Variants in TPRN observed in about 807,000 individuals in gnomAD.
TPRN encodes chromosome 9 open reading frame 75.
In TPRN, 32 loss-of-function variants were observed where a neutral mutation model predicts 42.6. That is an observed-to-expected ratio of 0.75 (90% confidence interval 0.57 to 1.01). TPRN has a LOEUF of 1.01. TPRN is among the 50% of genes least tolerant of loss of function. The pLI is 0.00. For missense variants in TPRN, 1,095 were observed against 957.5 expected (o/e 1.14, Z -1.90); for synonymous variants, 541 against 445.6 (o/e 1.21, Z -2.70).
chr9:137,192,204 A>G (rs1834630043), intron 3 of TPRN, 30 bp from the exon 4 acceptor site: 5 of 1,613,222 alleles, frequency 3.1e-6, no homozygotes, highest in East Asian at 2.2e-5. Flanking sequence ...ATGTGGACAC[A>G]TGGGCTCGCC....
chr9:137,199,493 C>A lies in TPRN; in HGVS notation c.1219G>T (p.Ala407Ser). Reference sequence around the variant, plus strand: ...CTCTGCCACCTAATAGCCCGGTCAGCGAGGGCGGTGGCTGTCCTGGGACAG... The same window carrying A: ...CTCTGCCACCTAATAGCCCGGTCAGAGAGGGCGGTGGCTGTCCTGGGACAG... ...GACPRTATAL[A>S]DRAIRWQRPS... Residue 407 changes from alanine (A) to serine (S), a missense_variant, in exon 1 of 4, where the codon GCT (alanine) becomes TCT (serine). By Grantham distance (99) the Ala-to-Ser change is moderately conservative. Coordinates refer to ENST00000409012, the MANE Select transcript of TPRN (RefSeq NM_001128228.3). The A allele has an allele frequency of 1.3e-6, 2 of 1,586,394 alleles. No individual in the cohort carries two copies. Among genetic ancestry groups the A allele is most frequent in the Non-Finnish European group, 8.6e-7 (1 of 1,167,166 alleles).
intron 1 of TPRN, among the ~76,000 whole-genome samples, chr9:137,195,925 G>A (rs925540572): frequency 6.6e-6 from 1 of 152,154 alleles, no homozygotes; most frequent in Non-Finnish European, 1.5e-5. Flanking sequence ...CCTGCAAGAC[G>A]GGGCACCTGC....
chr9:137,200,509 C>A lies in TPRN; in HGVS notation c.203G>T (p.Arg68Leu). ...ENPFMLLEAE[R>L]RRGGGAAGAR... is the part of the protein sequence containing the mutation. The stretch of plus-strand genomic sequence containing the variant: ...CCCCGCCGCGCCCCCGCCGCGCCGC[C>A]GCTCGGCCTCCAGCAGCATGAACGG... The change falls in exon 1 of 4, where the codon CGG becomes CTG. Residue 68 changes from arginine to leucine, a missense_variant. By Grantham distance (102) the Arg-to-Leu change is moderately radical. Transcript: ENST00000409012. The surrounding 1 kb of genome is among the most constrained non-coding windows in gnomAD (Gnocchi z 4.3). 8.6e-7 allele frequency: 1 copy of A among 1,159,472 alleles called. No homozygotes were observed. The highest frequency in any genetic ancestry group is 1.1e-6 in the Non-Finnish European group (1 of 938,598). 71.8% of individuals were successfully genotyped at this position (1,159,472 alleles called of 1,614,324 possible).
chr9:137,195,654 G>A (rs1011534158), intron 1 of TPRN, among the ~76,000 whole-genome samples: 2 of 152,208 alleles, frequency 1.3e-5, no homozygotes, highest in Non-Finnish European at 2.9e-5. Context: ...ACGGCCCTGG[G>A]TGTCCAGGAC....
At position 137,200,382 on chromosome 9, in the gene TPRN, C is replaced by A. The variant is rs1160871361; in HGVS notation, c.330G>T (p.Pro110=). The A allele has an allele frequency of 9.2e-7, 1 of 1,081,628 alleles. No individual in the cohort carries two copies. The highest frequency in any genetic ancestry group is 3.1e-5 in the South Asian group (1 of 32,086). 67.0% of individuals were successfully genotyped at this position (1,081,628 alleles called of 1,614,324 possible). A position where few individuals can be genotyped will look rare whatever the true frequency, so the allele number is the denominator to read the frequency against. ...IETVPGFPPA[P]PAPGAAQIRA... is the part of the protein sequence containing the mutation. ...GGATCTGCGCGGCCCCCGGGGCGGG[C>A]GGCGCGGGCGGGAAGCCGGGCACCG... Residue 110 remains proline, a synonymous_variant, in exon 1 of 4, where the codon CCG becomes CCT. Coordinates refer to ENST00000409012, the MANE Select transcript of TPRN (RefSeq NM_001128228.3). This position sits in a 1 kb window ranked among gnomAD's most constrained non-coding sequence, Gnocchi z 4.3.
Position 137,192,676 on chromosome 9 carries a change from T to C in TPRN, c.1741A>G (p.Asn581Asp), listed in dbSNP as rs1039740596. The C allele has an allele frequency of 1.9e-6, 3 of 1,613,820 alleles. No individual in the cohort carries two copies. Among genetic ancestry groups the C allele is most frequent in the Non-Finnish European group, 2.5e-6 (3 of 1,179,972 alleles). The change falls in exon 2 of 4, where the codon AAC (asparagine) becomes GAC (aspartate). Residue 581 changes from asparagine (N) to aspartate (D), a missense_variant. Physicochemically the swap from Asn to Asp is conservative, Grantham distance 23. Transcript: ENST00000409012. ...AATGTGGTCTGCAGGCTTTTGTCGT[T>C]GAAGGAGATCTTCATCTGGGAGTGA... ...SSRKKMKISFNDKSLQTTFEY... is the reference protein window; with the variant it reads ...SSRKKMKISFDDKSLQTTFEY...
intron 1 of TPRN, among the ~76,000 whole-genome samples, chr9:137,196,734 C>T (rs1268765631): frequency 1.3e-5 from 2 of 152,228 alleles, no homozygotes; most frequent in Admixed American, 1.3e-4. Context: ...CACAGCCCAC[C>T]GTGCCGAGGC....
In TPRN at chr9:137,200,119, TG is replaced by T; in HGVS notation, c.592del (p.Gln198ArgfsTer252). 8.0e-7 allele frequency: 1 copy of T among 1,246,370 alleles called. No individual in the cohort carries two copies. The highest frequency in any genetic ancestry group is 3.4e-5 in the South Asian group (1 of 29,760). 77.2% of individuals were successfully genotyped at this position (1,246,370 alleles called of 1,614,324 possible). ...SPGARRSDFLQKTGSNSFTVH... is the reference protein window; with the variant it reads ...SPGARRSDFLXKTGSNSFTVH... ...GGTGAAGGAGTTGCTGCCGGTCTTC[TG>T]GAGGAAGTCGCTGCGCCGGGCCCCG... On this transcript the variant is annotated frameshift_variant, in exon 1 of 4. Coordinates refer to ENST00000409012, the MANE Select transcript of TPRN (RefSeq NM_001128228.3). LOFTEE classifies it high-confidence loss of function. The surrounding 1 kb of genome is among the most constrained non-coding windows in gnomAD (Gnocchi z 4.3).
In TPRN at chr9:137,200,532, C is replaced by T. The variant is rs1311647257; in HGVS notation, c.180G>A (p.Pro60=). The part of the protein sequence containing the change: ...AESLGPLREN[P]FMLLEAERRR... ...GCCGCTCGGCCTCCAGCAGCATGAA[C>T]GGGTTCTCGCGCAGCGGGCCCAGGC... is the stretch of plus-strand genomic sequence containing the variant. Residue 60 remains proline (P), a synonymous_variant, in exon 1 of 4, where the codon CCG becomes CCA. Coordinates refer to ENST00000409012, the MANE Select transcript of TPRN (RefSeq NM_001128228.3). This position sits in a 1 kb window ranked among gnomAD's most constrained non-coding sequence, Gnocchi z 4.3. The T allele has an allele frequency of 1.7e-6, 2 of 1,166,466 alleles. No homozygotes were observed. Among genetic ancestry groups the T allele is most frequent in the Non-Finnish European group, 2.1e-6 (2 of 945,822 alleles). 72.3% of individuals were successfully genotyped at this position (1,166,466 alleles called of 1,614,324 possible).
Position 137,192,308 on chromosome 9 carries a change from G to T in TPRN, c.2024C>A (p.Ala675Glu). The change falls in exon 3 of 4, where the codon GCG becomes GAG. Residue 675 changes from alanine (A) to glutamate (E), a missense_variant. Transcript: ENST00000409012. ...TGCCTCCCTCGGGGCCTGCTCCAGC[G>T]CCTGCTCCTGCCACTTGCTGAAGGC... ...SVAFSKWQEQ[A>E]LEQAPREAEP... 1.2e-6 allele frequency: 2 copies of T among 1,612,946 alleles called. No individual in the cohort carries two copies. Among genetic ancestry groups the T allele is most frequent in the South Asian group, 1.1e-5 (1 of 91,080 alleles).
intron 1 of TPRN, among the ~76,000 whole-genome samples, chr9:137,196,631 A>G (rs1180921636): frequency 6.6e-6 from 1 of 152,170 alleles, no homozygotes; most frequent in Non-Finnish European, 1.5e-5. Flanking sequence ...TGGTCAGACA[A>G]GGCCAGGCAC....
chr9:137,198,362 C>T (rs766352887), intron 1 of TPRN, among the ~76,000 whole-genome samples: 10 of 152,214 alleles, frequency 6.6e-5, no homozygotes, highest in Non-Finnish European at 1.3e-4. Context: ...TCAGAGCCTC[C>T]GAAGGCCCCT....
chr9:137,192,002 G>T lies in TPRN; in HGVS notation c.*110C>A. On this transcript the variant is annotated 3_prime_UTR_variant, in exon 4 of 4. Transcript: ENST00000409012. ...CTTCCAGGGCCAGGAGGGGTGGGTG[G>T]GATACAGTGAGGCCAAACAAGGCAG... is the stretch of plus-strand genomic sequence containing the variant. The T allele has an allele frequency of 1.5e-6, 2 of 1,360,256 alleles. No homozygotes were observed. The highest frequency in any genetic ancestry group is 1.0e-6 in the Non-Finnish European group (1 of 980,420). 84.3% of individuals were successfully genotyped at this position (1,360,256 alleles called of 1,614,324 possible). A position where few individuals can be genotyped will look rare whatever the true frequency, so the allele number is the denominator to read the frequency against.
rs772444986 is a variant in TPRN, at chr9:137,199,134, T to C, written c.1578A>G (p.Pro526=). 3 of 1,613,116 alleles carry C rather than the reference T, an allele frequency of 1.9e-6. 1 individual carries two copies. Among genetic ancestry groups the C allele is most frequent in the Non-Finnish European group, 2.5e-6 (3 of 1,180,004 alleles). The part of the protein sequence containing the change: ...HFSQANREPR[P]REAEEEEASC... Reference sequence around the variant, plus strand: ...TAGCCTCCTCCTCCTCGGCCTCCCGTGGCCGAGGCTCCCTGTTGGCCTGAC... The same window carrying C: ...TAGCCTCCTCCTCCTCGGCCTCCCGCGGCCGAGGCTCCCTGTTGGCCTGAC... Residue 526 remains proline, a synonymous_variant, in exon 1 of 4, where the codon CCA becomes CCG. Transcript: ENST00000409012.
chr9:137,195,706 C>T (rs1289372586), intron 1 of TPRN, among the ~76,000 whole-genome samples: 1 of 152,090 alleles, frequency 6.6e-6, no homozygotes, highest in African/African-American at 2.4e-5. Context: ...GGGCAGAGAG[C>T]CAAGAGGGGA....
rs387906219 is a variant in TPRN, at chr9:137,199,284, CG to C, written c.1427del (p.Pro476ArgfsTer67). 1.4e-5 allele frequency: 22 copies of C among 1,612,332 alleles called. No individual in the cohort carries two copies. The South Asian group carries it at 2.4e-4, about 18-fold the overall frequency. ...CAGGGTGCAGAGGCCTGGCAGGGTG[CG>C]GGAGGTAGGGTAGTTTGGCTGCTTG... ...APQAAKLPYL[P>X]HPARPLHPAR... On this transcript the variant is annotated frameshift_variant, in exon 1 of 4. Transcript: ENST00000409012. LOFTEE classifies it high-confidence loss of function.
chr9:137,192,137 C>CG lies in TPRN; in HGVS notation c.2110dup (p.Arg704ProfsTer30). ...TCAGAAATACAGGGCTGGCTCGCTG[C>CG]GGAAGTCCGAGAGGTCATTCTGACT... On this transcript the variant is annotated frameshift_variant, in exon 4 of 4. Coordinates refer to ENST00000409012, the MANE Select transcript of TPRN (RefSeq NM_001128228.3). LOFTEE classifies it high-confidence loss of function. The CG allele has an allele frequency of 6.2e-7, 1 of 1,613,582 alleles. No homozygotes were observed. The highest frequency in any genetic ancestry group is 8.5e-7 in the Non-Finnish European group (1 of 1,180,012).
In TPRN at chr9:137,192,780, T is replaced by C. The variant is rs149951371; in HGVS notation, c.1726-89A>G. On this transcript the variant is annotated intron_variant, in intron 1 of 3. Transcript: ENST00000409012. ...TCAGGTTCAGCCCTCAGGATGAGGC[T>C]GACCCAAGTGGGGCGCCAGACACAC... The C allele has an allele frequency of 1.3e-4, 186 of 1,446,906 alleles. No individual in the cohort carries two copies. In the African/African-American group the frequency reaches 2.4e-3, roughly 19 times the overall value. The allele number at this position is 1,446,906 out of a possible 1,614,324, so 89.6% of individuals were successfully genotyped here. A position where few individuals can be genotyped will look rare whatever the true frequency, so the allele number is the denominator to read the frequency against.
In TPRN at chr9:137,192,080, T is replaced by C; in HGVS notation, c.*32A>G. 6.2e-7 allele frequency: 1 copy of C among 1,609,518 alleles called. No homozygotes were observed. On this transcript the variant is annotated 3_prime_UTR_variant, in exon 4 of 4. Coordinates refer to ENST00000409012, the MANE Select transcript of TPRN (RefSeq NM_001128228.3). The stretch of plus-strand genomic sequence containing the variant: ...GCCCAGCTTCCGGGACTCCCACAGC[T>C]GGGCTCAGCCTTGGTCCTGGCAGTG...
Sources: gnomAD v4.1 joint callset for allele counts (sites outside exome capture counted in the v4.1 genomes callset) on GRCh38, gnomAD v4.1.1 for gene constraint, Gnocchi (gnomAD v3.1) non-coding constraint, MANE v1.5 for transcripts, NCBI Gene and HGNC (gene_info 2026-07-23, HGNC 2026-07-21) for gene names.